Variants in LINGO2 observed in about 807,000 individuals in gnomAD.
LINGO2 encodes the protein leucine rich repeat and Ig domain containing 2.
A neutral mutation model predicts 30.6 loss-of-function variants in LINGO2; 14 were observed. That is an observed-to-expected ratio of 0.46 (90% CI 0.30 to 0.72). The LOEUF (loss-of-function observed/expected upper bound fraction) is 0.72. Ranked by LOEUF, LINGO2 falls within the 30% of genes least tolerant of loss-of-function variation. The pLI, the probability that LINGO2 is intolerant of heterozygous loss-of-function variation, is 0.07. For missense variants in LINGO2, 729 were observed against 751.7 expected, an observed-to-expected ratio of 0.97 and a Z score of 0.35; for synonymous variants, 317 against 288.5, an observed-to-expected ratio of 1.10 and a Z score of -1.00.
the LINGO2 span, among the ~76,000 whole-genome samples, chr9:29,090,472 ACTT>A: frequency 1.1e-4 from 17 of 152,102 alleles, no homozygotes; most frequent in African/African-American, 3.1e-4. Flanking sequence ...CTCCTAAGAG[ACTT>A]CTTCTGATTC....
the LINGO2 span, among the ~76,000 whole-genome samples, chr9:28,715,003 T>C: frequency 0.013 from 2,043 of 152,276 alleles, 48 homozygotes; most frequent in African/African-American, 0.046. Context: ...AGTCCATCTG[T>C]ATCTTTTGTA....
At chr9:28,414,566 T>A (rs1822896361) in intron 2 of LINGO2, among the ~76,000 whole-genome samples, 1 of 152,090 alleles carries the variant, frequency 6.6e-6, no homozygotes, top group South Asian at 2.1e-4. Flanking sequence ...GTATTTAATA[T>A]TCAAAGTTCC....
Position 27,954,533 on chromosome 9 carries a change from T to C in LINGO2, c.-35-3827A>G, listed in dbSNP as rs139589941. Among the ~76,000 whole-genome samples the C allele has an allele frequency of 5.8e-3, 876 of 152,308 alleles. 9 individuals are homozygous for C. Among genetic ancestry groups the C allele is most frequent in the African/African-American group, 0.02 (846 of 41,578 alleles). ...GCTGCAAACAACACTTTATACTTTC[T>C]TTTTGGTAGAATAGTATTTCATTGT... On this transcript the variant is annotated intron_variant, in intron 5 of 5. Coordinates refer to ENST00000379992, the Ensembl canonical transcript of LINGO2.
intron 4 of LINGO2, among the ~76,000 whole-genome samples, chr9:28,188,240 G>C (rs1305783607): frequency 6.6e-6 from 1 of 152,078 alleles, no homozygotes; most frequent in Non-Finnish European, 1.5e-5. Flanking sequence ...TCTTCTGAGT[G>C]AATGAACATT....
chr9:27,982,679 G>T (rs1320722960), intron 5 of LINGO2, among the ~76,000 whole-genome samples: 1 of 151,826 alleles, frequency 6.6e-6, no homozygotes, highest in Non-Finnish European at 1.5e-5. Flanking sequence ...TCTGATTAAA[G>T]AGGTTCTTCT....
At chr9:28,723,262 G>C in the LINGO2 span, among the ~76,000 whole-genome samples, 6 of 152,150 alleles carry the variant, frequency 3.9e-5, no homozygotes, top group Non-Finnish European at 8.8e-5. Context: ...TGGTATAAGT[G>C]CTGCATACTG....
intron 4 of LINGO2, among the ~76,000 whole-genome samples, chr9:28,117,866 C>T (rs1199277850): frequency 6.6e-6 from 1 of 152,092 alleles, no homozygotes; most frequent in Non-Finnish European, 1.5e-5. Flanking sequence ...GATATCACCC[C>T]CAGAATAAAT....
chr9:28,581,744 G>C (rs75577530), intron 1 of LINGO2, among the ~76,000 whole-genome samples: 1 of 151,748 alleles, frequency 6.6e-6, no homozygotes. Context: ...AAGGTTTCTT[G>C]TAATTTCAAC....
chr9:28,481,895 T>C (rs1284966285), intron 1 of LINGO2, among the ~76,000 whole-genome samples: 1 of 152,084 alleles, frequency 6.6e-6, no homozygotes, highest in Non-Finnish European at 1.5e-5. Context: ...GTTCTTGTGA[T>C]AGTTTACTGA....
At chr9:28,744,695 G>A in the LINGO2 span, among the ~76,000 whole-genome samples, 13 of 148,730 alleles carry the variant, frequency 8.7e-5, no homozygotes, top group African/African-American at 3.2e-4. Flanking sequence ...GGAGTGCAGT[G>A]GAGTGATCTT....
intron 1 of LINGO2, among the ~76,000 whole-genome samples, chr9:28,552,210 T>A (rs1288964549): frequency 6.6e-6 from 1 of 152,012 alleles, no homozygotes; most frequent in African/African-American, 2.4e-5. Context: ...TCTCCAGACC[T>A]GCCTACAGCT....
chr9:28,360,464 C>T (rs963684372), intron 3 of LINGO2, among the ~76,000 whole-genome samples: 1 of 152,124 alleles, frequency 6.6e-6, no homozygotes, highest in African/African-American at 2.4e-5. Flanking sequence ...ACAAACTGCC[C>T]CATGTCCTTC....
At chr9:28,539,086 C>A (rs1821564568) in intron 1 of LINGO2, among the ~76,000 whole-genome samples, 1 of 151,370 alleles carries the variant, frequency 6.6e-6, no homozygotes, top group African/African-American at 2.4e-5. Flanking sequence ...AAATACATAC[C>A]TAAATAAAAG....
chr9:28,487,455 C>T (rs1826216699), intron 1 of LINGO2, among the ~76,000 whole-genome samples: 1 of 152,042 alleles, frequency 6.6e-6, no homozygotes, highest in African/African-American at 2.4e-5. Flanking sequence ...CATAACAATT[C>T]TTATGCCAAA....
the LINGO2 span, among the ~76,000 whole-genome samples, chr9:28,985,341 C>A: frequency 6.6e-6 from 1 of 152,028 alleles, no homozygotes; most frequent in African/African-American, 2.4e-5. Context: ...AGTGCAGACA[C>A]CTCCGACAAA....
chr9:29,007,235 A>G, the LINGO2 span, among the ~76,000 whole-genome samples: 1 of 152,108 alleles, frequency 6.6e-6, no homozygotes, highest in African/African-American at 2.4e-5. Flanking sequence ...CATGTCATAT[A>G]TAGTTTTACT....
intron 1 of LINGO2, among the ~76,000 whole-genome samples, chr9:28,568,281 A>G (rs1823492913): frequency 6.6e-6 from 1 of 152,084 alleles, no homozygotes; most frequent in Non-Finnish European, 1.5e-5. Context: ...TGATGAGAAC[A>G]CATGGATTCT....
At chr9:28,054,850 A>C (rs963981714) in intron 4 of LINGO2, among the ~76,000 whole-genome samples, 3 of 152,132 alleles carry the variant, frequency 2.0e-5, no homozygotes, top group Non-Finnish European at 4.4e-5. Flanking sequence ...TTAGGTTGTT[A>C]TGCCTTATTT....
the LINGO2 span, among the ~76,000 whole-genome samples, chr9:28,725,471 C>T: frequency 2.7e-5 from 4 of 149,400 alleles, no homozygotes; most frequent in South Asian, 2.1e-4. Flanking sequence ...TTCTTATTCA[C>T]GAATAAAAGA....
Sources: allele counts gnomAD v4.1 joint callset (sites outside exome capture counted in the v4.1 genomes callset), GRCh38; gene constraint gnomAD v4.1.1; transcripts MANE v1.5; gene names NCBI Gene and HGNC (gene_info 2026-07-23, HGNC 2026-07-21).